Variants in TGM2 observed in about 807,000 individuals in gnomAD.
TGM2 encodes the protein protein-glutamine gamma-glutamyltransferase 2.
In TGM2, 53 loss-of-function variants were observed where a neutral mutation model predicts 75.6. The observed-to-expected ratio is 0.70, with a 90% confidence interval of 0.56 to 0.88. The LOEUF (loss-of-function observed/expected upper bound fraction) is 0.88. Ranked by LOEUF, TGM2 falls within the 40% of genes least tolerant of loss-of-function variation. The pLI, the probability that TGM2 is intolerant of heterozygous loss-of-function variation, is 0.00. For synonymous variants in TGM2, 374 were observed against 381.1 expected (o/e 0.98, Z 0.22); for missense variants, 842 against 928.5 (o/e 0.91, Z 1.21).
Position 38,155,926 on chromosome 20 carries a change from G to A in TGM2, c.354C>T (p.Ser118=). 2 of 1,611,006 alleles carry A rather than the reference G, an allele frequency of 1.2e-6. No individual in the cohort carries two copies. The highest frequency in any genetic ancestry group is 1.7e-6 in the Non-Finnish European group (2 of 1,178,884). The stretch of plus-strand genomic sequence containing the variant: ...CCTGGTAGCCAGTGGAGGCCTCCAG[G>A]CTGAGGCGATACAGGCCGATGGGGG... ...ANAPIGLYRL[S]LEASTGYQGS... The change falls in exon 3 of 13, where the codon AGC becomes AGT. Residue 118 remains serine (S), a synonymous_variant. Coordinates refer to ENST00000361475, the MANE Select transcript of TGM2 (RefSeq NM_004613.4).
chr20:38,130,971 G>A (rs908677551), intron 12 of TGM2, 122 bp downstream of exon 12: 11 of 1,486,552 alleles, frequency 7.4e-6, no homozygotes, highest in Non-Finnish European at 1.0e-5. Context: ...AGTGGGCACA[G>A]CTGTGTGGGA....
At chr20:38,142,764 G>A (rs1164295802) in intron 6 of TGM2, among the ~76,000 whole-genome samples, 1 of 152,234 alleles carries the variant, frequency 6.6e-6, no homozygotes, top group Non-Finnish European at 1.5e-5. Context: ...ATTGTCCTTG[G>A]TTCCCCATGG....
chr20:38,162,802 G>T (rs6512993), intron 1 of TGM2, among the ~76,000 whole-genome samples: 71,174 of 152,126 alleles, frequency 0.47, 19,172 homozygotes, highest in Non-Finnish European at 0.62. Flanking sequence ...GCAGGGGCAG[G>T]AGACACCACG....
Position 38,129,294 on chromosome 20 carries a change from G to T in TGM2, c.*925C>A, listed in dbSNP as rs944061571. 5 of 152,280 alleles carry T rather than the reference G, an allele frequency of 3.3e-5. No homozygotes were observed. The highest frequency in any genetic ancestry group is 7.3e-5 in the Non-Finnish European group (5 of 68,116). The allele number at this position is 152,280 out of a possible 1,614,324, so 9.4% of individuals were successfully genotyped here. ...TGGCCAGACGTGGGACCTGAACCCA[G>T]CCAGGGCTCTGACTCCCAGTCCCCC... On this transcript the variant is annotated 3_prime_UTR_variant, in exon 13 of 13. Transcript: ENST00000361475.
At chr20:38,154,876 C>T (rs2075163257) in intron 3 of TGM2, among the ~76,000 whole-genome samples, 3 of 152,246 alleles carry the variant, frequency 2.0e-5, no homozygotes, top group Admixed American at 6.5e-5. Context: ...CAGGCCGAGG[C>T]GGGTGGATCA....
intron 6 of TGM2, among the ~76,000 whole-genome samples, chr20:38,143,927 C>T (rs117876753): frequency 1.3e-5 from 2 of 152,090 alleles, no homozygotes; most frequent in African/African-American, 2.4e-5. Context: ...GTAGGAGCTT[C>T]GAGGAAGGAG....
rs2075052480 is a variant in TGM2, at chr20:38,146,843, AGTT to A, written c.730_732del (p.Asn244del). Reference sequence around the variant, plus strand: ...GACATGGGGCTGACGCCGTCCCCGTAGTTGTTGTCCCAGCGTCCCAGCAGCACA... The same window carrying A: ...GACATGGGGCTGACGCCGTCCCCGTAGTTGTCCCAGCGTCCCAGCAGCACA... On this transcript the variant is annotated inframe_deletion, in exon 6 of 13. Transcript: ENST00000361475. 3 of 1,614,050 alleles carry A rather than the reference AGTT, an allele frequency of 1.9e-6. No homozygotes were observed. The highest frequency in any genetic ancestry group is 2.5e-6 in the Non-Finnish European group (3 of 1,180,032).
intron 6 of TGM2, among the ~76,000 whole-genome samples, chr20:38,143,725 A>G (rs1220451628): frequency 1.3e-5 from 2 of 152,252 alleles, no homozygotes; most frequent in African/African-American, 4.8e-5. Context: ...CCAGAAAAAA[A>G]TATCTAAAAA....
In TGM2 at chr20:38,138,130, T is replaced by A; in HGVS notation, c.1598A>T (p.Asn533Ile). 6.3e-7 allele frequency: 1 copy of A among 1,595,852 alleles called. No individual in the cohort carries two copies. The highest frequency in any genetic ancestry group is 8.5e-7 in the Non-Finnish European group (1 of 1,171,102). The change falls in exon 10 of 13, where the codon AAC becomes ATC. Residue 533 changes from asparagine to isoleucine, a missense_variant. Coordinates refer to ENST00000361475, the MANE Select transcript of TGM2 (RefSeq NM_004613.4). ...ECGTKYLLNL[N>I]LEPFSEKSVP... ...GGCTTTACCAGAGAAAGGCTCCAGG[T>A]TGAGGTTGAGCAGGTACTTGGTGCC...
intron 3 of TGM2, among the ~76,000 whole-genome samples, chr20:38,155,185 C>T (rs2075168473): frequency 6.6e-6 from 1 of 152,130 alleles, no homozygotes; most frequent in East Asian, 1.9e-4. Flanking sequence ...GTGCCTGGGC[C>T]TAGGCATCAG....
In TGM2 at chr20:38,146,706, G is replaced by A. The variant is rs142772122; in HGVS notation, c.859+11C>T. The A allele has an allele frequency of 3.3e-5, 53 of 1,612,958 alleles. No individual in the cohort carries two copies. The highest frequency in any genetic ancestry group is 9.3e-5 in the African/African-American group (7 of 75,050). On this transcript the variant is annotated intron_variant, in intron 6 of 12. Transcript: ENST00000361475. ...CAGGGCTCATGACCCACATCCCAGCGTGCAGCTCACCTGTGCAGGCCACGG... is the reference window on the plus strand; with the variant it reads ...CAGGGCTCATGACCCACATCCCAGCATGCAGCTCACCTGTGCAGGCCACGG...
rs45515295 is a variant in TGM2, at chr20:38,139,951, G to A, written c.1100-297C>T. ...GGAGATAAGATCTGGACCACCTAAT[G>A]AGCATTCCTGAATTATAGATGTAAA... On this transcript the variant is annotated intron_variant, in intron 8 of 12. Coordinates refer to ENST00000361475, the MANE Select transcript of TGM2 (RefSeq NM_004613.4). 2.4e-3 allele frequency among the ~76,000 whole-genome samples: 362 copies of A among 152,338 alleles called. 3 individuals are homozygous for A. Among genetic ancestry groups the A allele is most frequent in the African/African-American group, 8.5e-3 (353 of 41,562 alleles).
chr20:38,159,451 C>T (rs2122965308), intron 2 of TGM2, among the ~76,000 whole-genome samples: 1 of 152,134 alleles, frequency 6.6e-6, no homozygotes, highest in Non-Finnish European at 1.5e-5. Context: ...GTACCACAAA[C>T]CCCCGTGACA....
intron 10 of TGM2, among the ~76,000 whole-genome samples, chr20:38,136,702 C>T (rs45446791): frequency 0.15 from 22,614 of 152,184 alleles, 1,793 homozygotes; most frequent in East Asian, 0.28. Context: ...CTGGAAACCC[C>T]TCTGCCCTCC....
At chr20:38,146,995 G>A in intron 5 of TGM2, 101 bp from the exon 6 acceptor site, 2 of 1,287,440 alleles carry the variant, frequency 1.6e-6, no homozygotes, top group East Asian at 2.5e-5. Context: ...GCTGGGGAGG[G>A]GAGCTCCAGG....
intron 3 of TGM2, among the ~76,000 whole-genome samples, chr20:38,153,081 A>T (rs1267337937): frequency 6.6e-6 from 1 of 152,010 alleles, no homozygotes; most frequent in Non-Finnish European, 1.5e-5. Context: ...CCGAGAAATC[A>T]TTCCATTGGC....
At chr20:38,148,190 A>C (rs1469473302) in intron 4 of TGM2, 101 bp from the exon 5 acceptor site, 4 of 1,500,350 alleles carry the variant, frequency 2.7e-6, no homozygotes, top group Non-Finnish European at 3.7e-6. Context: ...ACTCTGTCCC[A>C]CACAGCAGAC....
intron 3 of TGM2, among the ~76,000 whole-genome samples, chr20:38,153,809 G>C (rs2075148231): frequency 6.6e-6 from 1 of 152,090 alleles, no homozygotes; most frequent in Non-Finnish European, 1.5e-5. Context: ...TAGTCTTGAA[G>C]CCCTCCCCTT....
At chr20:38,147,604 A>G (rs2075061227) in intron 5 of TGM2, among the ~76,000 whole-genome samples, 1 of 152,104 alleles carries the variant, frequency 6.6e-6, no homozygotes. Context: ...CTGCTCGTTC[A>G]TATGGTAGTT....
Sources: allele counts gnomAD v4.1 joint callset (sites outside exome capture counted in the v4.1 genomes callset), GRCh38; gene constraint gnomAD v4.1.1; transcripts MANE v1.5; gene names NCBI Gene and HGNC (gene_info 2026-07-23, HGNC 2026-07-21).